The following COMMD10 variants were observed in gnomAD, a reference collection of about 807,000 sequenced individuals.
The protein encoded by COMMD10 is COMM domain containing 10.
COMMD10 carries 33 observed loss-of-function variants against 28.9 expected under a neutral mutation model. That is an observed-to-expected ratio of 1.14 (90% CI 0.87 to 1.53). COMMD10 has a LOEUF of 1.53. Ranked by LOEUF, COMMD10 falls within the 40% of genes most tolerant of loss-of-function variation. The pLI, the probability that COMMD10 is intolerant of heterozygous loss-of-function variation, is 0.00. For missense variants in COMMD10, 310 were observed against 233.4 expected, an observed-to-expected ratio of 1.33 and a Z score of -2.14; for synonymous variants, 110 against 81.7, an observed-to-expected ratio of 1.35 and a Z score of -1.87.
At chr5:116,189,700 A>C (rs1363896952) in intron 5 of COMMD10, among the ~76,000 whole-genome samples, 5 of 148,702 alleles carry the variant, frequency 3.4e-5, no homozygotes, top group Admixed American at 2.0e-4. Context: ...ATTTCAGTTA[A>C]CACTGTAAAG....
At chr5:116,113,828 C>G (rs999877529) in intron 4 of COMMD10, among the ~76,000 whole-genome samples, 3 of 151,636 alleles carry the variant, frequency 2.0e-5, no homozygotes, top group African/African-American at 7.3e-5. Context: ...TTATTGTGTT[C>G]CTTTGATGGT....
rs150574868 is a variant in COMMD10 at position 116,241,583 on chromosome 5, C to CTTATGTATTTATTTATTTAT, written c.511-49930_511-49929insGTATTTATTTATTTATTTAT. Among the ~76,000 whole-genome samples the CTTATGTATTTATTTATTTAT allele has an allele frequency of 8.1e-4, 114 of 140,506 alleles. 1 individual carries two copies. Among genetic ancestry groups the CTTATGTATTTATTTATTTAT allele is most frequent in the African/African-American group, 2.8e-3 (107 of 38,596 alleles). The allele number at this position is 140,506 out of a possible 152,430, so 92.2% of individuals were successfully genotyped here. On this transcript the variant is annotated intron_variant, in intron 5 of 6. Coordinates refer to ENST00000274458, the MANE Select transcript of COMMD10 (RefSeq NM_016144.4). Reference sequence around the variant, plus strand: ...TCTCTATCCTCTTACACTCTGCTTTCTTATTTATTTATTTATTTATTTATT... The same window carrying CTTATGTATTTATTTATTTAT: ...TCTCTATCCTCTTACACTCTGCTTTCTTATGTATTTATTTATTTATTTATTTATTTATTTATTTATTTATT...
intron 5 of COMMD10, among the ~76,000 whole-genome samples, chr5:116,240,362 C>T (rs1244274961): frequency 6.6e-6 from 1 of 152,116 alleles, no homozygotes; most frequent in Non-Finnish European, 1.5e-5. Flanking sequence ...CAGCAATCTC[C>T]TCCTGAAATC....
At chr5:116,215,195 G>A (rs1296148735) in intron 5 of COMMD10, among the ~76,000 whole-genome samples, 1 of 151,820 alleles carries the variant, frequency 6.6e-6, no homozygotes, top group Non-Finnish European at 1.5e-5. Flanking sequence ...GTTTGAATCG[G>A]CAAATGGGTA....
At position 116,156,158 on chromosome 5, in the gene COMMD10, G is replaced by T. The variant is rs186998543; in HGVS notation, c.510+21980G>T. ...AAGGGTTAAGCTGTCCTACTATCCA[G>T]TTCCAAAATAACTCTGTATTATATT... On this transcript the variant is annotated intron_variant, in intron 5 of 6. Coordinates refer to ENST00000274458, the MANE Select transcript of COMMD10 (RefSeq NM_016144.4). 9.2e-5 allele frequency among the ~76,000 whole-genome samples: 14 copies of T among 152,156 alleles called. No individual in the cohort carries two copies. The East Asian group carries it at 2.1e-3, about 23-fold the overall frequency.
intron 5 of COMMD10, among the ~76,000 whole-genome samples, chr5:116,225,295 A>G (rs571729725): frequency 7.5e-6 from 1 of 133,800 alleles, no homozygotes; most frequent in Non-Finnish European, 1.6e-5. Flanking sequence ...AGTCATTTGT[A>G]TTGAGTGTAT....
In COMMD10 at chr5:116,228,743, C is replaced by A. The variant is rs150807487; in HGVS notation, c.511-62774C>A. On this transcript the variant is annotated intron_variant, in intron 5 of 6. Coordinates refer to ENST00000274458, the MANE Select transcript of COMMD10 (RefSeq NM_016144.4). The stretch of plus-strand genomic sequence containing the variant: ...CCTTTCAAGCTTATTAAAATAAGAT[C>A]TTTTAGGATCACTGTGACTCTCTCC... Among the ~76,000 whole-genome samples, 635 of 152,028 alleles carry A rather than the reference C, an allele frequency of 4.2e-3. 4 individuals carry two copies. Among genetic ancestry groups the A allele is most frequent in the Non-Finnish European group, 5.6e-3 (383 of 67,888 alleles).
intron 5 of COMMD10, among the ~76,000 whole-genome samples, chr5:116,275,958 GTA>G (rs139704662): frequency 2.7e-5 from 4 of 148,402 alleles, no homozygotes; most frequent in Admixed American, 6.7e-5. Flanking sequence ...AAAAAAAAAT[GTA>G]TATATATATA....
chr5:116,170,017 G>C (rs541897379), intron 5 of COMMD10, among the ~76,000 whole-genome samples: 36 of 151,990 alleles, frequency 2.4e-4, no homozygotes, highest in Non-Finnish European at 2.9e-4. Flanking sequence ...AAAAATAAAG[G>C]GTATTCAAAT....
intron 5 of COMMD10, among the ~76,000 whole-genome samples, chr5:116,203,882 A>C: frequency 6.6e-6 from 1 of 152,132 alleles, no homozygotes; most frequent in Non-Finnish European, 1.5e-5. Flanking sequence ...TCAAATTCAC[A>C]CATAACAATA....
intron 5 of COMMD10, among the ~76,000 whole-genome samples, chr5:116,139,994 A>C (rs1044279152): frequency 6.6e-6 from 1 of 151,712 alleles, no homozygotes; most frequent in Non-Finnish European, 1.5e-5. Context: ...AGACTTATTT[A>C]TCCTACATAA....
intron 5 of COMMD10, among the ~76,000 whole-genome samples, chr5:116,240,764 A>G (rs1749789172): frequency 6.6e-6 from 1 of 152,186 alleles, no homozygotes; most frequent in Non-Finnish European, 1.5e-5. Context: ...AATTCAACAT[A>G]AAGGTAGAAT....
chr5:116,232,345 C>T (rs887516916), intron 5 of COMMD10, among the ~76,000 whole-genome samples: 26 of 133,414 alleles, frequency 1.9e-4, no homozygotes, highest in Admixed American at 8.8e-4. Flanking sequence ...TATCACTGTC[C>T]TAAAAAAAAA....
intron 5 of COMMD10, among the ~76,000 whole-genome samples, chr5:116,211,437 A>G (rs1232479856): frequency 6.6e-6 from 1 of 152,160 alleles, no homozygotes; most frequent in Admixed American, 6.5e-5. Flanking sequence ...AAACATAGAA[A>G]AGGTAATGGG....
At chr5:116,287,457 A>C (rs529230790) in intron 5 of COMMD10, among the ~76,000 whole-genome samples, 1 of 151,730 alleles carries the variant, frequency 6.6e-6, no homozygotes, top group East Asian at 1.9e-4. Context: ...CTTTCAGCCT[A>C]TGTGTATTGT....
chr5:116,151,646 G>A (rs1016400938), intron 5 of COMMD10, among the ~76,000 whole-genome samples: 2 of 152,168 alleles, frequency 1.3e-5, no homozygotes, highest in East Asian at 3.8e-4. Context: ...TATTTGCATA[G>A]AGGTGTTCGT....
At chr5:116,175,818 C>T (rs186003636) in intron 5 of COMMD10, among the ~76,000 whole-genome samples, 10 of 152,072 alleles carry the variant, frequency 6.6e-5, no homozygotes, top group South Asian at 2.1e-4. Context: ...GTACATAGAG[C>T]GGTCAAATTC....
chr5:116,260,579 G>T (rs1750416748), intron 5 of COMMD10, among the ~76,000 whole-genome samples: 1 of 151,714 alleles, frequency 6.6e-6, no homozygotes, highest in South Asian at 2.1e-4. Flanking sequence ...GATCACAAAA[G>T]GACTTCACTG....
At chr5:116,274,401 A>G (rs1465937194) in intron 5 of COMMD10, among the ~76,000 whole-genome samples, 3 of 151,854 alleles carry the variant, frequency 2.0e-5, no homozygotes, top group South Asian at 2.1e-4. Flanking sequence ...TAGACACTAT[A>G]TAAAAGAATG....
Sources: allele counts gnomAD v4.1 joint callset (sites outside exome capture counted in the v4.1 genomes callset), GRCh38; gene constraint gnomAD v4.1.1; transcripts MANE v1.5; gene names NCBI Gene and HGNC (gene_info 2026-07-23, HGNC 2026-07-21).